Variants in SLC38A1 observed in about 807,000 individuals in gnomAD.
The protein encoded by SLC38A1 is solute carrier family 38 member 1.
A neutral mutation model predicts 60.3 loss-of-function variants in SLC38A1; 18 were observed. The ratio of observed to expected loss-of-function variants is 0.30; its 90% confidence interval spans 0.21 to 0.44. The LOEUF (loss-of-function observed/expected upper bound fraction) is 0.44, where lower values mean the gene tolerates loss of function less well. Ranked by LOEUF, SLC38A1 falls within the 20% of genes least tolerant of loss-of-function variation. The pLI is 1.00. For missense variants in SLC38A1, 448 were observed against 587.2 expected (o/e 0.76, Z 2.45); for synonymous variants, 196 against 212.1 (o/e 0.92, Z 0.66).
Position 46,209,096 on chromosome 12 carries a change from T to C in SLC38A1, c.346A>G (p.Ile116Val), listed in dbSNP as rs746233735. The change falls in exon 6 of 17, where the codon ATA becomes GTA. Residue 116 changes from isoleucine (I) to valine (V), a missense_variant. By Grantham distance (29) the Ile-to-Val change is conservative (BLOSUM62 3). Transcript: ENST00000398637. ...ATCAATAGGAGGTTTATTGAATATATAGACAGCAATGTCACTGAAGTCAAA... is the reference window on the plus strand; with the variant it reads ...ATCAATAGGAGGTTTATTGAATATACAGACAGCAATGTCACTGAAGTCAAA... ...VLLTSVTLLS[I>V]YSINLLLICS... 17 of 1,611,454 alleles carry C rather than the reference T, an allele frequency of 1.1e-5. No individual in the cohort carries two copies. Among genetic ancestry groups the C allele is most frequent in the African/African-American group, 1.3e-5 (1 of 74,858 alleles).
At chr12:46,264,257 T>C (rs1942286251) in intron 1 of SLC38A1, among the ~76,000 whole-genome samples, 1 of 152,214 alleles carries the variant, frequency 6.6e-6, no homozygotes, top group Non-Finnish European at 1.5e-5. Context: ...TCTCATTGTA[T>C]CTTCACAACT....
chr12:46,204,938 C>A (rs1294794807), intron 9 of SLC38A1, among the ~76,000 whole-genome samples: 1 of 152,180 alleles, frequency 6.6e-6, no homozygotes, highest in African/African-American at 2.4e-5. Context: ...GTTGGTGGAC[C>A]CTGATGGAGT....
At chr12:46,207,462 A>C in intron 7 of SLC38A1, 67 bp downstream of exon 7, 2 of 1,450,032 alleles carry the variant, frequency 1.4e-6, no homozygotes, top group South Asian at 2.3e-5. Context: ...TTATGTTAAA[A>C]TTCATGTGGC....
chr12:46,192,628 C>T (rs1242486791), intron 16 of SLC38A1, among the ~76,000 whole-genome samples: 1 of 152,156 alleles, frequency 6.6e-6, no homozygotes, highest in Non-Finnish European at 1.5e-5. Flanking sequence ...TTGATCTATT[C>T]AGAGATTCAG....
rs1942421488 is a variant in SLC38A1, at chr12:46,268,125, C to T, written c.-209+401G>A. Among the ~76,000 whole-genome samples, 2 of 152,142 alleles carry T rather than the reference C, an allele frequency of 1.3e-5. No individual in the cohort carries two copies. Among genetic ancestry groups the T allele is most frequent in the Admixed American group, 6.5e-5 (1 of 15,288 alleles). ...ACCAAAGGCCGGGGATTCAAACACT[C>T]CCAGAACACGGTCGCGCCCTCGGGT... On this transcript the variant is annotated intron_variant, in intron 1 of 16. Transcript: ENST00000398637. This position sits in a 1 kb window ranked among gnomAD's most constrained non-coding sequence, Gnocchi z 4.4.
At chr12:46,206,471 T>G (rs1939907976) in intron 8 of SLC38A1, among the ~76,000 whole-genome samples, 2 of 152,180 alleles carry the variant, frequency 1.3e-5, no homozygotes, top group Admixed American at 1.3e-4. Flanking sequence ...TCTGTCAGAT[T>G]ACAACTTGTC....
chr12:46,238,508 C>T (rs1941334255), intron 3 of SLC38A1, among the ~76,000 whole-genome samples: 2 of 151,998 alleles, frequency 1.3e-5, no homozygotes, highest in Non-Finnish European at 2.9e-5. Flanking sequence ...TCCTTTTGAC[C>T]CTCCCAAAGT....
intron 3 of SLC38A1, among the ~76,000 whole-genome samples, chr12:46,234,107 C>T (rs1379731754): frequency 6.6e-6 from 1 of 152,208 alleles, no homozygotes; most frequent in South Asian, 2.1e-4. Flanking sequence ...CACAAGTCTT[C>T]CACACTCTGG....
intron 1 of SLC38A1, among the ~76,000 whole-genome samples, chr12:46,256,636 C>CACAGAGAGAG (rs142176282): frequency 1.8e-4 from 22 of 123,264 alleles, no homozygotes; most frequent in African/African-American, 4.4e-4. Context: ...CACACACACA[C>CACAGAGAGAG]AGAGAGAGAG....
chr12:46,189,503 GA>G (rs1000878052), intron 16 of SLC38A1, among the ~76,000 whole-genome samples: 1 of 151,646 alleles, frequency 6.6e-6, no homozygotes, highest in African/African-American at 2.4e-5. Flanking sequence ...TGAAAAAGTG[GA>G]AAAAAAACAT....
rs1361082167 is a variant in SLC38A1, at chr12:46,187,934, A to T, written c.*1036T>A. The T allele has an allele frequency of 6.6e-6, 1 of 152,150 alleles. No individual in the cohort carries two copies. The allele number at this position is 152,150 out of a possible 1,614,324, so 9.4% of individuals were successfully genotyped here. A position where few individuals can be genotyped will look rare whatever the true frequency, so the allele number is the denominator to read the frequency against. On this transcript the variant is annotated 3_prime_UTR_variant, in exon 17 of 17. Transcript: ENST00000398637. ...TTTTAAAGACTTCCCTAAAATACTC[A>T]ATATAAAACAGGAGTTACTTATCCT... is the stretch of plus-strand genomic sequence containing the variant.
chr12:46,256,477 G>A (rs150355294), intron 1 of SLC38A1, among the ~76,000 whole-genome samples: 109 of 152,214 alleles, frequency 7.2e-4, no homozygotes, highest in African/African-American at 2.6e-3. Flanking sequence ...CCCTTAAGCT[G>A]GGAATTCAAC....
At chr12:46,245,530 A>G (rs982723813) in intron 1 of SLC38A1, among the ~76,000 whole-genome samples, 1 of 152,238 alleles carries the variant, frequency 6.6e-6, no homozygotes, top group East Asian at 1.9e-4. Context: ...AGTTTGGTGC[A>G]CCATTATAGA....
Position 46,239,869 on chromosome 12 carries a change from A to T in SLC38A1, c.-69T>A. 7.8e-6 allele frequency: 12 copies of T among 1,540,118 alleles called. No individual in the cohort carries two copies. The highest frequency in any genetic ancestry group is 1.1e-5 in the Non-Finnish European group (12 of 1,125,670). On this transcript the variant is annotated 5_prime_UTR_variant, in exon 3 of 17. Transcript: ENST00000398637. ...CTGTTCTGAGTGTATTTAGAAGTAGATACCAAAATGGAAGCTTGACACCCC... is the reference window on the plus strand; with the variant it reads ...CTGTTCTGAGTGTATTTAGAAGTAGTTACCAAAATGGAAGCTTGACACCCC...
At position 46,243,244 on chromosome 12, in the gene SLC38A1, G is replaced by A. The variant is rs930430857; in HGVS notation, c.-138C>T. 2 of 152,004 alleles carry A rather than the reference G, an allele frequency of 1.3e-5. No individual in the cohort carries two copies. Among genetic ancestry groups the A allele is most frequent in the African/African-American group, 4.8e-5 (2 of 41,402 alleles). 9.4% of individuals were successfully genotyped at this position (152,004 alleles called of 1,614,324 possible). A position where few individuals can be genotyped will look rare whatever the true frequency, so the allele number is the denominator to read the frequency against. ...AGACGATCACTCTATATATATTGTT[G>A]TATGGCCTTCCAGGGTTTTTCTATG... On this transcript the variant is annotated 5_prime_UTR_variant, in exon 2 of 17. The change creates a premature stop within an existing upstream ORF in the 5' untranslated region. Coordinates refer to ENST00000398637, the MANE Select transcript of SLC38A1 (RefSeq NM_030674.4).
chr12:46,194,193 A>G (rs1314878533), intron 16 of SLC38A1, among the ~76,000 whole-genome samples: 1 of 152,114 alleles, frequency 6.6e-6, no homozygotes, highest in Non-Finnish European at 1.5e-5. Context: ...TCACTTATGA[A>G]GCTTAGTTTG....
chr12:46,246,031 G>A (rs571840913), intron 1 of SLC38A1, among the ~76,000 whole-genome samples: 68 of 152,212 alleles, frequency 4.5e-4, no homozygotes, highest in African/African-American at 8.7e-4. Flanking sequence ...TCTCTGTCAC[G>A]GTCCGTTCAA....
At position 46,207,581 on chromosome 12, in the gene SLC38A1, G is replaced by A; in HGVS notation, c.429C>T (p.Gly143=). Residue 143 remains glycine, a synonymous_variant, in exon 7 of 17, where the codon GGC becomes GGT. Transcript: ENST00000398637. ...VYEKLGEQVF[G]TTGKFVIFGA... Reference sequence around the variant, plus strand: ...CAAAGATTACGAACTTCCCTGTGGTGCCAAAGACTTGTTCCCCCAGCTTTT... The same window carrying A: ...CAAAGATTACGAACTTCCCTGTGGTACCAAAGACTTGTTCCCCCAGCTTTT... 1 of 1,613,948 alleles carries A rather than the reference G, an allele frequency of 6.2e-7. No individual in the cohort carries two copies.
intron 1 of SLC38A1, among the ~76,000 whole-genome samples, chr12:46,266,874 A>C (rs1467757975): frequency 1.3e-5 from 2 of 152,190 alleles, no homozygotes. Flanking sequence ...AGTGACTCTC[A>C]AGAGAAAGGC....
Sources: gnomAD v4.1 joint callset for allele counts (sites outside exome capture counted in the v4.1 genomes callset) on GRCh38, gnomAD v4.1.1 for gene constraint, Gnocchi (gnomAD v3.1) non-coding constraint, MANE v1.5 for transcripts, NCBI Gene and HGNC (gene_info 2026-07-23, HGNC 2026-07-21) for gene names.